The following SH3BP5 variants were observed in gnomAD, a reference collection of about 807,000 sequenced individuals.
The protein encoded by SH3BP5 is SH3 domain-binding protein 5.
A neutral mutation model predicts 43.3 loss-of-function variants in SH3BP5; 22 were observed. The ratio of observed to expected loss-of-function variants is 0.51; its 90% CI spans 0.36 to 0.73. The LOEUF (loss-of-function observed/expected upper bound fraction) is 0.73, where lower values mean the gene tolerates loss of function less well. SH3BP5 is among the 30% of genes least tolerant of loss of function. The pLI is 0.00. For synonymous variants in SH3BP5, 255 were observed against 225.8 expected, an observed-to-expected ratio of 1.13 and a Z score of -1.16; for missense variants, 529 against 586.9, an observed-to-expected ratio of 0.90 and a Z score of 1.02.
chr3:15,272,233 T>C (rs541226054), intron 3 of SH3BP5, among the ~76,000 whole-genome samples: 1 of 152,250 alleles, frequency 6.6e-6, no homozygotes, highest in Admixed American at 6.5e-5. Flanking sequence ...CACTCTGTGA[T>C]TGTGTACTGC....
intron 3 of SH3BP5, among the ~76,000 whole-genome samples, chr3:15,272,629 A>G (rs1170187694): frequency 2.2e-5 from 2 of 92,898 alleles, no homozygotes; most frequent in African/African-American, 2.2e-4. Context: ...TAGGATAAAG[A>G]CATATTACAA....
intron 2 of SH3BP5, among the ~76,000 whole-genome samples, chr3:15,312,239 T>C (rs1404163423): frequency 6.6e-6 from 1 of 152,212 alleles, no homozygotes; most frequent in Non-Finnish European, 1.5e-5. Context: ...GCTCTTCTAT[T>C]AAGCCAGACA....
intron 2 of SH3BP5, among the ~76,000 whole-genome samples, chr3:15,310,269 T>G (rs761964903): frequency 6.6e-6 from 1 of 152,218 alleles, no homozygotes; most frequent in Non-Finnish European, 1.5e-5. Context: ...CTGCAGCAGA[T>G]AGCAGCCATC....
At chr3:15,295,886 CAG>C (rs1450324144) in intron 3 of SH3BP5, among the ~76,000 whole-genome samples, 3 of 152,182 alleles carry the variant, frequency 2.0e-5, no homozygotes, top group South Asian at 4.1e-4. Flanking sequence ...TCACATCACC[CAG>C]AGTCAGGAGA....
intron 4 of SH3BP5, among the ~76,000 whole-genome samples, chr3:15,263,899 T>C (rs960361935): frequency 4.6e-5 from 7 of 152,194 alleles, no homozygotes; most frequent in African/African-American, 1.4e-4. Flanking sequence ...ATTCTCTAAT[T>C]CTGTATTCTC....
At chr3:15,328,228 G>A (rs777255774) in intron 2 of SH3BP5, among the ~76,000 whole-genome samples, 4 of 152,082 alleles carry the variant, frequency 2.6e-5, no homozygotes, top group African/African-American at 4.8e-5. Flanking sequence ...GTGGCTTCCT[G>A]TGACACACAA....
At chr3:15,325,410 CCTGATGCGCCCTCCAG>C (rs552637742) in intron 2 of SH3BP5, among the ~76,000 whole-genome samples, 186 of 152,328 alleles carry the variant, frequency 1.2e-3, no homozygotes, top group African/African-American at 4.3e-3. Flanking sequence ...CAGGCTTAGC[CCTGATGCGCCCTCCAG>C]CTGGAATGTT....
intron 4 of SH3BP5, among the ~76,000 whole-genome samples, chr3:15,268,959 T>C (rs1012070068): frequency 5.3e-5 from 8 of 152,188 alleles, no homozygotes; most frequent in African/African-American, 1.9e-4. Flanking sequence ...ATGTCCTACC[T>C]ACCAATGCAC....
At chr3:15,332,625 A>G (rs886150925), upstream of SH3BP5, 3 of 1,181,366 alleles carry the variant, frequency 2.5e-6, no homozygotes, top group South Asian at 4.1e-5. Context: ...CGCGGCAGTC[A>G]GCGCAGCGCC....
At chr3:15,336,130 G>A (rs553975726), upstream of SH3BP5, among the ~76,000 whole-genome samples, 83 of 152,068 alleles carry the variant, frequency 5.5e-4, no homozygotes, top group African/African-American at 1.8e-3. Flanking sequence ...GTGAAACTCC[G>A]TCTCAAAAAA....
At chr3:15,336,959 C>G (rs1559465258), upstream of SH3BP5, among the ~76,000 whole-genome samples, 1 of 152,152 alleles carries the variant, frequency 6.6e-6, no homozygotes, top group Non-Finnish European at 1.5e-5. Context: ...TGGCATAATC[C>G]CAACCCTGGT....
At chr3:15,327,143 G>A (rs948837302) in intron 2 of SH3BP5, among the ~76,000 whole-genome samples, 3 of 152,102 alleles carry the variant, frequency 2.0e-5, no homozygotes, top group Admixed American at 6.5e-5. Context: ...CAGCAGTGGC[G>A]GTGGGGAGGG....
chr3:15,320,328 GA>G (rs538955078), intron 2 of SH3BP5, among the ~76,000 whole-genome samples: 26 of 150,254 alleles, frequency 1.7e-4, no homozygotes, highest in Non-Finnish European at 2.7e-4. Context: ...CACAGCAAAG[GA>G]AAAAAAAATC....
At chr3:15,333,464 G>C (rs138049565), upstream of SH3BP5, among the ~76,000 whole-genome samples, 4 of 152,334 alleles carry the variant, frequency 2.6e-5, no homozygotes, top group African/African-American at 9.6e-5. Flanking sequence ...AAATTTGCTT[G>C]AGAAAGGAGC....
intron 6 of SH3BP5, 187 bp from the exon 7 acceptor site, chr3:15,259,237 C>T (rs980847341): frequency 2.3e-5 from 14 of 611,596 alleles, no homozygotes; most frequent in African/African-American, 2.0e-4. Flanking sequence ...CACCACCATC[C>T]CCAGATCCCA....
chr3:15,313,078 T>C (rs1188787067), intron 2 of SH3BP5, among the ~76,000 whole-genome samples: 3 of 151,908 alleles, frequency 2.0e-5, no homozygotes, highest in Admixed American at 1.3e-4. Flanking sequence ...ACCCAGTCTC[T>C]ACTAAAAAAT....
intron 2 of SH3BP5, among the ~76,000 whole-genome samples, chr3:15,309,907 C>CT (rs1491484657): frequency 7.3e-5 from 4 of 54,996 alleles, no homozygotes; most frequent in Non-Finnish European, 1.4e-4. Context: ...CCCCGCTCCA[C>CT]CCCCCCCCCA....
intron 3 of SH3BP5, among the ~76,000 whole-genome samples, chr3:15,281,606 C>T (rs1181452411): frequency 1.3e-5 from 2 of 152,160 alleles, no homozygotes; most frequent in Non-Finnish European, 2.9e-5. Flanking sequence ...ATAACACCCA[C>T]TCCTCCAGTA....
chr3:15,272,740 A>G (rs1037413698), intron 3 of SH3BP5, among the ~76,000 whole-genome samples: 1 of 151,434 alleles, frequency 6.6e-6, no homozygotes, highest in African/African-American at 2.4e-5. Flanking sequence ...GATACCTCAG[A>G]TCAAATTTTT....
Sources: gnomAD v4.1 joint callset for allele counts (sites outside exome capture counted in the v4.1 genomes callset) on GRCh38, gnomAD v4.1.1 for gene constraint, MANE v1.5 for transcripts, NCBI Gene and HGNC (gene_info 2026-07-23, HGNC 2026-07-21) for gene names.